The following CCNH variants were observed in gnomAD, a reference collection of about 807,000 sequenced individuals.
CCNH encodes cyclin-H.
In CCNH, 31 loss-of-function variants were observed where a neutral mutation model predicts 41.9. That is an observed-to-expected ratio of 0.74 (90% CI 0.56 to 1.00). CCNH has a LOEUF of 1.00. CCNH is among the 50% of genes least tolerant of loss of function. CCNH has a pLI of 0.00. For missense variants in CCNH, 362 were observed against 388.4 expected, an observed-to-expected ratio of 0.93 and a Z score of 0.57; for synonymous variants, 138 against 136.1, an observed-to-expected ratio of 1.01 and a Z score of -0.10.
chr5:87,331,852 A>G (rs759344876), intron 9 of CCNH, among the ~76,000 whole-genome samples: 3 of 152,120 alleles, frequency 2.0e-5, no homozygotes, highest in Non-Finnish European at 2.9e-5. Context: ...TTAAAACTCA[A>G]ATTTTGTGTC....
chr5:87,412,573 G>C, intron 1 of CCNH, 105 bp downstream of exon 1: 2 of 1,507,414 alleles, frequency 1.3e-6, no homozygotes, highest in Non-Finnish European at 8.9e-7. Flanking sequence ...GCGCCGCAGA[G>C]GCAGAGAAAC....
rs1223523449 is a variant in CCNH, at chr5:87,412,854, C to A, written c.-60G>T. 1 of 1,588,294 alleles carries A rather than the reference C, an allele frequency of 6.3e-7. No individual in the cohort carries two copies. Among genetic ancestry groups the A allele is most frequent in the Non-Finnish European group, 8.6e-7 (1 of 1,161,694 alleles). On this transcript the variant is annotated 5_prime_UTR_variant, in exon 1 of 9. It adds an upstream start codon to the 5' untranslated region. Transcript: ENST00000256897. ...ACGAGAACCCAAACGCATCAGCGTCCTGGCGTAAAACACCCGTACCCCCAC... is the reference window on the plus strand; with the variant it reads ...ACGAGAACCCAAACGCATCAGCGTCATGGCGTAAAACACCCGTACCCCCAC...
chr5:87,349,999 C>T (rs1759140417), intron 9 of CCNH, among the ~76,000 whole-genome samples: 1 of 151,668 alleles, frequency 6.6e-6, no homozygotes. Context: ...TAACTAATAA[C>T]TCTCTATTTC....
downstream of CCNH, among the ~76,000 whole-genome samples, chr5:87,387,057 A>G (rs1160245550): frequency 2.0e-5 from 3 of 152,160 alleles, no homozygotes; most frequent in African/African-American, 4.8e-5. Context: ...AACAAAAAAC[A>G]TATTTTTGTT....
At chr5:87,360,344 G>A (rs867157261) in intron 9 of CCNH, among the ~76,000 whole-genome samples, 73 of 152,056 alleles carry the variant, frequency 4.8e-4, no homozygotes, top group Middle Eastern at 3.4e-3. Flanking sequence ...CAGGCTGGGC[G>A]AACTCCTGAC....
At chr5:87,397,929 G>A (rs558828659) in intron 7 of CCNH, among the ~76,000 whole-genome samples, 1 of 152,246 alleles carries the variant, frequency 6.6e-6, no homozygotes, top group South Asian at 2.1e-4. Flanking sequence ...ACGAATAGGT[G>A]TGCTACATTC....
rs1397219825 is a variant in CCNH, at chr5:87,411,283, C to A, written c.181G>T (p.Glu61Ter). The change falls in exon 2 of 9, where the codon GAG becomes TAG. Residue 61 changes from glutamate to a stop codon, truncating the protein, a stop_gained. Transcript: ENST00000256897. LOFTEE classifies it high-confidence loss of function. The stretch of plus-strand genomic sequence containing the variant: ...GAACAGAATTCCAATAACCTTTTCT[C>A]ATAGTATTTGCAGAGTGTCATTTCT... ...HEEMTLCKYY[E>*]KRLLEFCSVF... 1.9e-6 allele frequency: 3 copies of A among 1,612,824 alleles called. No individual in the cohort carries two copies. The highest frequency in any genetic ancestry group is 2.5e-6 in the Non-Finnish European group (3 of 1,179,504).
chr5:87,330,189 A>G (rs1428227491), intron 9 of CCNH, among the ~76,000 whole-genome samples: 3 of 152,290 alleles, frequency 2.0e-5, no homozygotes, highest in East Asian at 1.9e-4. Context: ...AATTCTTTCC[A>G]TAAGTTTTAA....
intron 9 of CCNH, among the ~76,000 whole-genome samples, chr5:87,384,532 A>T (rs1048163322): frequency 6.6e-6 from 1 of 152,132 alleles, no homozygotes; most frequent in Admixed American, 6.6e-5. Context: ...ATTATCTTTT[A>T]TTGCTACTAA....
Position 87,408,194 on chromosome 5 carries a change from A to C in CCNH, c.315-8T>G. On this transcript the variant is annotated splice_region_variant and splice_polypyrimidine_tract_variant and intron_variant, in intron 3 of 8. Coordinates refer to ENST00000256897, the MANE Select transcript of CCNH (RefSeq NM_001239.4). ...AAAAATGCACAAGTGAGCCTAGAGG[A>C]AAAAATAAGGAGGCAGGAGGCAGGG... The C allele has an allele frequency of 6.5e-7, 1 of 1,545,690 alleles. No individual in the cohort carries two copies. The highest frequency in any genetic ancestry group is 8.8e-7 in the Non-Finnish European group (1 of 1,135,308).
intron 6 of CCNH, 133 bp from the exon 7 acceptor site, chr5:87,399,638 A>T: frequency 1.5e-6 from 1 of 653,556 alleles, no homozygotes. Context: ...CAGGATTTGC[A>T]TCATTCTGCA....
At chr5:87,375,219 G>C (rs141799251), downstream of CCNH, among the ~76,000 whole-genome samples, 254 of 152,048 alleles carry the variant, frequency 1.7e-3, 2 homozygotes, top group African/African-American at 4.8e-3. Flanking sequence ...CTTTTTGTAG[G>C]GCTTGCCCTC....
At chr5:87,393,534 G>A (rs1243482208), downstream of CCNH, 2 of 152,178 alleles carry the variant, frequency 1.3e-5, no homozygotes, top group Non-Finnish European at 2.9e-5. Flanking sequence ...TAAGTAATTT[G>A]CTGTAATAGT....
chr5:87,376,854 A>T, exon 1 of CCNH: 4 of 1,565,436 alleles, frequency 2.6e-6, no homozygotes, highest in Admixed American at 1.7e-5. Context: ...TACGTACTTT[A>T]AACAATCTTT....
downstream of CCNH, chr5:87,394,195 A>G: frequency 1.8e-6 from 2 of 1,086,582 alleles, no homozygotes; most frequent in South Asian, 8.0e-5. Context: ...TGCTTAAAAA[A>G]TTAGGCAAAT....
intron 9 of CCNH, among the ~76,000 whole-genome samples, chr5:87,330,271 A>G (rs1439832516): frequency 1.3e-5 from 2 of 152,150 alleles, no homozygotes; most frequent in Non-Finnish European, 2.9e-5. Context: ...CAACAAGCTT[A>G]CAAAAATAGT....
chr5:87,397,309 A>T (rs2112550689), intron 7 of CCNH, among the ~76,000 whole-genome samples: 1 of 151,996 alleles, frequency 6.6e-6, no homozygotes, highest in Non-Finnish European at 1.5e-5. Flanking sequence ...ACAGGCACCC[A>T]CCACCACGTC....
At chr5:87,390,987 C>T, downstream of CCNH, 1 of 1,146,134 alleles carries the variant, frequency 8.7e-7, no homozygotes, top group Non-Finnish European at 1.3e-6. Flanking sequence ...CACACTTTTC[C>T]ACATTCCAGT....
At chr5:87,362,785 C>A in intron 9 of CCNH, 1 of 1,262,858 alleles carries the variant, frequency 7.9e-7, no homozygotes, top group Non-Finnish European at 1.1e-6. Flanking sequence ...TAGTAATTGA[C>A]ACTTGTTTAG....
Sources: gnomAD v4.1 joint callset for allele counts (sites outside exome capture counted in the v4.1 genomes callset) on GRCh38, gnomAD v4.1.1 for gene constraint, MANE v1.5 for transcripts, NCBI Gene and HGNC (gene_info 2026-07-23, HGNC 2026-07-21) for gene names.